FRMD4A: variants seen among roughly 807,000 people sequenced by gnomAD.
The protein encoded by FRMD4A is FERM domain-containing protein 4A.
Under a neutral mutation model 129.1 loss-of-function variants are expected in FRMD4A, and 29 were observed. That is an observed-to-expected ratio of 0.22 (90% CI 0.17 to 0.31). FRMD4A has a LOEUF of 0.31. Ranked by LOEUF, FRMD4A falls within the 10% of genes least tolerant of loss-of-function variation. FRMD4A has a pLI of 1.00. For synonymous variants in FRMD4A, 634 were observed against 571.6 expected (o/e 1.11, Z -1.56); for missense variants, 1,272 against 1,375.8 (o/e 0.92, Z 1.19).
intron 8 of FRMD4A, chr10:13,756,138 G>A (rs2091850357): frequency 6.6e-6 from 1 of 152,160 alleles, no homozygotes; most frequent in Non-Finnish European, 1.5e-5. Context: ...ATATTTCCAG[G>A]TCCCAGAAGA....
chr10:14,182,547 C>T (rs1273990435), intron 2 of FRMD4A, among the ~76,000 whole-genome samples: 1 of 152,030 alleles, frequency 6.6e-6, no homozygotes, highest in African/African-American at 2.4e-5. Context: ...AGAAGTCTGA[C>T]AAGACAAAAA....
At chr10:13,817,110 A>G (rs1258291436) in intron 3 of FRMD4A, among the ~76,000 whole-genome samples, 1 of 152,186 alleles carries the variant, frequency 6.6e-6, no homozygotes, top group Non-Finnish European at 1.5e-5. Flanking sequence ...TCCTTAACAT[A>G]TACTTCTCAG....
intron 2 of FRMD4A, among the ~76,000 whole-genome samples, chr10:14,327,531 G>T (rs1468329566): frequency 1.3e-5 from 2 of 152,308 alleles, no homozygotes; most frequent in Admixed American, 6.5e-5. Flanking sequence ...TCAATGAGTG[G>T]CAAGGCTAGA....
intron 2 of FRMD4A, among the ~76,000 whole-genome samples, chr10:14,304,916 T>G (rs1439762241): frequency 1.3e-5 from 2 of 152,154 alleles, no homozygotes; most frequent in African/African-American, 4.8e-5. Context: ...TTTCCCACAG[T>G]GGTCTGAATG....
At chr10:13,970,370 C>T (rs766199707) in intron 2 of FRMD4A, among the ~76,000 whole-genome samples, 1 of 152,192 alleles carries the variant, frequency 6.6e-6, no homozygotes, top group Admixed American at 6.5e-5. Flanking sequence ...ATCAACCCGA[C>T]ACCCTTGGGC....
Position 13,701,482 on chromosome 10 carries a change from G to A in FRMD4A, c.837-4C>T, listed in dbSNP as rs2086824221. On this transcript the variant is annotated splice_polypyrimidine_tract_variant and splice_region_variant and intron_variant, in intron 13 of 24. Transcript: ENST00000357447. Reference sequence around the variant, plus strand: ...CGTCCTCCTTGTCACTGAAGCCCTGGGGAAGCAAGAATCACAAGGTTCAAT... The same window carrying A: ...CGTCCTCCTTGTCACTGAAGCCCTGAGGAAGCAAGAATCACAAGGTTCAAT... The A allele has an allele frequency of 1.9e-6, 3 of 1,611,600 alleles. No individual in the cohort carries two copies. The highest frequency in any genetic ancestry group is 8.5e-7 in the Non-Finnish European group (1 of 1,178,544).
chr10:13,677,577 A>G (rs1288045488), intron 15 of FRMD4A, among the ~76,000 whole-genome samples: 2 of 152,194 alleles, frequency 1.3e-5, no homozygotes, highest in East Asian at 3.9e-4. Flanking sequence ...TGTCATATTC[A>G]CACAGCACAT....
intron 2 of FRMD4A, among the ~76,000 whole-genome samples, chr10:14,224,981 C>G (rs566616197): frequency 2.6e-5 from 4 of 152,266 alleles, no homozygotes; most frequent in Admixed American, 1.3e-4. Context: ...TCTGCCCCCT[C>G]TCATCATGAT....
intron 4 of FRMD4A, among the ~76,000 whole-genome samples, chr10:13,802,620 T>G (rs57173221): frequency 6.6e-6 from 1 of 150,962 alleles, no homozygotes; most frequent in Non-Finnish European, 1.5e-5. Flanking sequence ...CTTGGGTAAT[T>G]AAAAAAAAAG....
In FRMD4A at chr10:14,251,713, G is replaced by A. The variant is rs571172251; in HGVS notation, c.45+78345C>T. The stretch of plus-strand genomic sequence containing the variant: ...TCTCTTTGAGTGGCTCAGGGTTTAC[G>A]TGGGCCCTGGAGCCAGATTCCTGGG... On this transcript the variant is annotated intron_variant, in intron 2 of 24. Coordinates refer to ENST00000357447, the MANE Select transcript of FRMD4A (RefSeq NM_018027.5). Among the ~76,000 whole-genome samples, 25 of 152,308 alleles carry A rather than the reference G, an allele frequency of 1.6e-4. No homozygotes were observed. In the East Asian group the frequency reaches 2.7e-3, roughly 16 times the overall value.
chr10:14,217,825 T>A (rs1268252194), intron 2 of FRMD4A, among the ~76,000 whole-genome samples: 1 of 151,164 alleles, frequency 6.6e-6, no homozygotes, highest in Non-Finnish European at 1.5e-5. Flanking sequence ...ATTTTTACTC[T>A]CTCTCTCTTT....
chr10:14,098,698 G>T (rs556256844), intron 2 of FRMD4A, among the ~76,000 whole-genome samples: 4 of 152,184 alleles, frequency 2.6e-5, no homozygotes, highest in African/African-American at 7.2e-5. Context: ...GTGAGCCACC[G>T]CGCCCAGCCT....
rs574619247 is a variant in FRMD4A, at chr10:13,916,658, A to G, written c.46-57746T>C. ...AGCTAGAATTCAAATCTCTGTTTGT[A>G]GATTCAATGTACAATGTAGAATTCA... On this transcript the variant is annotated intron_variant, in intron 2 of 24. Coordinates refer to ENST00000357447, the MANE Select transcript of FRMD4A (RefSeq NM_018027.5). Among the ~76,000 whole-genome samples, 3 of 152,316 alleles carry G rather than the reference A, an allele frequency of 2.0e-5. No individual in the cohort carries two copies. In the East Asian group the frequency reaches 5.8e-4, roughly 29 times the overall value.
intron 2 of FRMD4A, among the ~76,000 whole-genome samples, chr10:14,080,467 C>T (rs1398516168): frequency 1.3e-5 from 2 of 152,100 alleles, no homozygotes; most frequent in African/African-American, 4.8e-5. Context: ...GACTCTTTCT[C>T]ATCCAATTCA....
At chr10:13,916,332 T>C (rs1293926230) in intron 2 of FRMD4A, among the ~76,000 whole-genome samples, 3 of 152,202 alleles carry the variant, frequency 2.0e-5, no homozygotes, top group African/African-American at 7.2e-5. Flanking sequence ...ACTCCGAGGA[T>C]CCTGGATCTC....
intron 2 of FRMD4A, among the ~76,000 whole-genome samples, chr10:14,229,751 A>G (rs1485712346): frequency 1.3e-5 from 2 of 152,116 alleles, no homozygotes; most frequent in African/African-American, 4.8e-5. Flanking sequence ...CCACACACAC[A>G]TTTTTATTTT....
At chr10:14,187,626 A>G (rs924113429) in intron 2 of FRMD4A, among the ~76,000 whole-genome samples, 4 of 152,216 alleles carry the variant, frequency 2.6e-5, no homozygotes, top group Non-Finnish European at 4.4e-5. Flanking sequence ...CGAAAAATCA[A>G]AAAATAAGCT....
At chr10:13,998,312 T>A (rs931097508) in intron 2 of FRMD4A, among the ~76,000 whole-genome samples, 1 of 152,200 alleles carries the variant, frequency 6.6e-6, no homozygotes, top group Non-Finnish European at 1.5e-5. Context: ...GTAAATTCCC[T>A]GCCATGGCCC....
At chr10:13,925,407 C>A (rs1406466) in intron 2 of FRMD4A, among the ~76,000 whole-genome samples, 15,817 of 152,082 alleles carry the variant, frequency 0.1, 1,021 homozygotes, top group Non-Finnish European at 0.15. Flanking sequence ...ATCGCTTTAT[C>A]TTCTGTTCTT....
Sources: gnomAD v4.1 joint callset for allele counts (sites outside exome capture counted in the v4.1 genomes callset) on GRCh38, gnomAD v4.1.1 for gene constraint, MANE v1.5 for transcripts, NCBI Gene and HGNC (gene_info 2026-07-23, HGNC 2026-07-21) for gene names.